The following VEPH1 variants were observed in gnomAD, a reference collection of about 807,000 sequenced individuals.
VEPH1 encodes ventricular zone expressed PH domain containing 1, also known as ventricular zone-expressed PH domain-containing protein homolog 1.
Under a neutral mutation model 85.2 loss-of-function variants are expected in VEPH1, and 80 were observed. The ratio of observed to expected loss-of-function variants is 0.94; its 90% CI spans 0.78 to 1.13. The LOEUF (loss-of-function observed/expected upper bound fraction) is 1.13, where lower values mean the gene tolerates loss of function less well. Among genes scored for constraint, VEPH1 ranks in the 50% most tolerant of loss-of-function variants. The pLI, the probability that VEPH1 is intolerant of heterozygous loss-of-function variation, is 0.00. For synonymous variants in VEPH1, 297 were observed against 348.0 expected (o/e 0.85, Z 1.63); for missense variants, 955 against 980.5 (o/e 0.97, Z 0.35).
chr3:157,293,911 T>C (rs1449114164), intron 11 of VEPH1, among the ~76,000 whole-genome samples: 1 of 152,252 alleles, frequency 6.6e-6, no homozygotes, highest in Non-Finnish European at 1.5e-5. Flanking sequence ...AAGAAAACTT[T>C]AAGATTTTTA....
At chr3:157,314,966 C>A (rs1720573396) in intron 10 of VEPH1, among the ~76,000 whole-genome samples, 1 of 151,840 alleles carries the variant, frequency 6.6e-6, no homozygotes, top group South Asian at 2.1e-4. Context: ...ATGTAAGAAG[C>A]TTTTCAATTC....
chr3:157,358,506 CCATTAAAAAATAAA>C (rs1306130284), intron 9 of VEPH1, among the ~76,000 whole-genome samples: 1 of 152,082 alleles, frequency 6.6e-6, no homozygotes, highest in African/African-American at 2.4e-5. Flanking sequence ...TTAAACTAAT[CCATTAAAAAATAAA>C]AAAGAAACCT....
chr3:157,427,235 C>T (rs1732823125), intron 5 of VEPH1, among the ~76,000 whole-genome samples: 2 of 152,202 alleles, frequency 1.3e-5, no homozygotes, highest in African/African-American at 2.4e-5. Context: ...CTGCCTGCCT[C>T]AGCCTCCCAA....
At chr3:157,485,886 A>G (rs1369500669) in intron 2 of VEPH1, among the ~76,000 whole-genome samples, 1 of 152,152 alleles carries the variant, frequency 6.6e-6, no homozygotes, top group Admixed American at 6.5e-5. Flanking sequence ...CTCAGTATAT[A>G]CTAATGAAAA....
At chr3:157,411,906 C>G (rs1731561520) in intron 6 of VEPH1, among the ~76,000 whole-genome samples, 1 of 152,148 alleles carries the variant, frequency 6.6e-6, no homozygotes, top group South Asian at 2.1e-4. Flanking sequence ...TGTGTTGCCA[C>G]CCAAATCTCA....
intron 6 of VEPH1, among the ~76,000 whole-genome samples, chr3:157,403,763 G>T (rs1002065984): frequency 1.3e-5 from 2 of 152,104 alleles, no homozygotes; most frequent in Middle Eastern, 3.2e-3. Flanking sequence ...AGTGGGTCTT[G>T]CAAAGAAAAT....
intron 11 of VEPH1, among the ~76,000 whole-genome samples, chr3:157,289,458 T>C (rs1156726837): frequency 6.6e-6 from 1 of 152,236 alleles, no homozygotes; most frequent in African/African-American, 2.4e-5. Context: ...TCCACGGTAG[T>C]TGTATGAACT....
intron 6 of VEPH1, among the ~76,000 whole-genome samples, chr3:157,389,117 T>C (rs1014564164): frequency 6.6e-6 from 1 of 152,216 alleles, no homozygotes; most frequent in African/African-American, 2.4e-5. Flanking sequence ...CATAACATTG[T>C]TATATGTGTG....
chr3:157,377,582 G>T (rs1349397437), intron 7 of VEPH1, among the ~76,000 whole-genome samples: 2 of 152,132 alleles, frequency 1.3e-5, no homozygotes, highest in East Asian at 3.9e-4. Context: ...AATCATAGGG[G>T]CAGTTTCCCC....
At position 157,269,676 on chromosome 3, in the gene VEPH1, A is replaced by G. The variant is rs1384234452; in HGVS notation, c.2129-4014T>C. ...TTTTTTTTTTGCTATTACATCTAACATATGCATGGCTGGGGACGTGTCATT... is the reference window on the plus strand; with the variant it reads ...TTTTTTTTTTGCTATTACATCTAACGTATGCATGGCTGGGGACGTGTCATT... On this transcript the variant is annotated intron_variant, in intron 12 of 13. Coordinates refer to ENST00000362010, the MANE Select transcript of VEPH1 (RefSeq NM_001167912.2). Among the ~76,000 whole-genome samples the G allele has an allele frequency of 2.9e-5, 4 of 135,876 alleles. No homozygotes were observed. In the East Asian group the frequency reaches 6.2e-4, roughly 21 times the overall value. 89.1% of individuals were successfully genotyped at this position (135,876 alleles called of 152,430 possible). A position where few individuals can be genotyped will look rare whatever the true frequency, so the allele number is the denominator to read the frequency against.
rs1029459432 is a variant in VEPH1, at chr3:157,363,359, C to G, written c.1735+5G>C. ...TCTCAGGTTTGGGAAGTACACAACA[C>G]TTACCTTCAATGGTACACTGATCAG... On this transcript the variant is annotated splice_donor_5th_base_variant and intron_variant, in intron 9 of 13. Coordinates refer to ENST00000362010, the MANE Select transcript of VEPH1 (RefSeq NM_001167912.2). The G allele has an allele frequency of 6.3e-7, 1 of 1,583,276 alleles. No homozygotes were observed. The highest frequency in any genetic ancestry group is 1.9e-5 in the Admixed American group (1 of 52,544).
chr3:157,495,790 T>C (rs1739616126), intron 1 of VEPH1, among the ~76,000 whole-genome samples: 3 of 152,200 alleles, frequency 2.0e-5, no homozygotes, highest in Admixed American at 2.0e-4. Context: ...TCTCTCCATG[T>C]CACAAGGAAA....
chr3:157,395,840 C>G (rs947839800), intron 6 of VEPH1, among the ~76,000 whole-genome samples: 1 of 152,078 alleles, frequency 6.6e-6, no homozygotes, highest in African/African-American at 2.4e-5. Context: ...CAATAGTTAT[C>G]TTTTCTGCTC....
At chr3:157,430,461 A>G (rs752619181) in intron 4 of VEPH1, among the ~76,000 whole-genome samples, 4 of 152,214 alleles carry the variant, frequency 2.6e-5, no homozygotes, top group Non-Finnish European at 5.9e-5. Context: ...ACTTATTCAT[A>G]TACTCTCTGT....
chr3:157,458,799 T>C (rs781570713), intron 4 of VEPH1, among the ~76,000 whole-genome samples: 5 of 152,224 alleles, frequency 3.3e-5, no homozygotes, highest in Non-Finnish European at 7.3e-5. Flanking sequence ...TTAATTTTTG[T>C]ATATGGTGAT....
At chr3:157,398,436 C>A (rs1355193298) in intron 6 of VEPH1, among the ~76,000 whole-genome samples, 1 of 151,688 alleles carries the variant, frequency 6.6e-6, no homozygotes, top group Non-Finnish European at 1.5e-5. Flanking sequence ...GAGATCGAGA[C>A]TATCCTGGCC....
chr3:157,364,258 G>C, intron 8 of VEPH1, 45 bp downstream of exon 8: 2 of 1,450,194 alleles, frequency 1.4e-6, no homozygotes, highest in Non-Finnish European at 1.9e-6. Flanking sequence ...AGCTAATAGC[G>C]AACATGAAGT....
chr3:157,469,844 G>A (rs1011426157), intron 3 of VEPH1, among the ~76,000 whole-genome samples: 1 of 152,066 alleles, frequency 6.6e-6, no homozygotes, highest in Non-Finnish European at 1.5e-5. Flanking sequence ...TGGTCAGAAC[G>A]GGCAAATATC....
rs150713968 is a variant in VEPH1, at chr3:157,339,924, C to T, written c.1736-22723G>A. Among the ~76,000 whole-genome samples, 536 of 152,198 alleles carry T rather than the reference C, an allele frequency of 3.5e-3. 4 individuals carry two copies. The highest frequency in any genetic ancestry group is 0.012 in the African/African-American group (495 of 41,516). On this transcript the variant is annotated intron_variant, in intron 9 of 13. Coordinates refer to ENST00000362010, the MANE Select transcript of VEPH1 (RefSeq NM_001167912.2). ...AAACTTGCCCACAACCAGCTGATTC[C>T]GTGTCAAGATATTTTTATTTATATT...
Sources: gnomAD v4.1 joint callset for allele counts (sites outside exome capture counted in the v4.1 genomes callset) on GRCh38, gnomAD v4.1.1 for gene constraint, MANE v1.5 for transcripts, NCBI Gene and HGNC (gene_info 2026-07-23, HGNC 2026-07-21) for gene names.